Variants in LINGO2 observed in about 807,000 individuals in gnomAD.
LINGO2 encodes leucine-rich repeat and immunoglobulin-like domain-containing nogo receptor-interacting protein 2.
In LINGO2, 14 loss-of-function variants were observed where a neutral mutation model predicts 30.6. The observed-to-expected ratio is 0.46, with a 90% CI of 0.30 to 0.72. The LOEUF is 0.72. Among genes scored for constraint, LINGO2 ranks in the 30% least tolerant of loss-of-function variants. The pLI, the probability that LINGO2 is intolerant of heterozygous loss-of-function variation, is 0.07. For synonymous variants in LINGO2, 317 were observed against 288.5 expected (o/e 1.10, Z -1.00); for missense variants, 729 against 751.7 (o/e 0.97, Z 0.35).
At chr9:28,744,044 A>C in the LINGO2 span, among the ~76,000 whole-genome samples, 10 of 150,316 alleles carry the variant, frequency 6.7e-5, no homozygotes, top group African/African-American at 2.0e-4. Flanking sequence ...ATTTATCTTC[A>C]AGCTCAATGG....
chr9:28,969,165 A>C, the LINGO2 span, among the ~76,000 whole-genome samples: 10 of 152,106 alleles, frequency 6.6e-5, no homozygotes, highest in African/African-American at 2.4e-4. Context: ...ATACATTAGA[A>C]GAAGATCAGC....
At chr9:28,590,751 G>T (rs1161308202) in intron 1 of LINGO2, among the ~76,000 whole-genome samples, 1 of 152,108 alleles carries the variant, frequency 6.6e-6, no homozygotes, top group Non-Finnish European at 1.5e-5. Context: ...TCAGTGTGGT[G>T]ATTCCTCAGG....
the LINGO2 span, among the ~76,000 whole-genome samples, chr9:28,900,050 A>G: frequency 3.9e-5 from 6 of 152,148 alleles, no homozygotes; most frequent in African/African-American, 1.2e-4. Flanking sequence ...CTTCTAGGCC[A>G]GCCATTACAG....
the LINGO2 span, among the ~76,000 whole-genome samples, chr9:28,705,825 C>G: frequency 2.0e-5 from 3 of 152,130 alleles, no homozygotes; most frequent in African/African-American, 7.2e-5. Context: ...TTCTGCTCTG[C>G]TCTGTTAAGT....
At chr9:28,784,675 C>T in the LINGO2 span, among the ~76,000 whole-genome samples, 2 of 152,048 alleles carry the variant, frequency 1.3e-5, no homozygotes, top group African/African-American at 2.4e-5. Context: ...AATTGCAGGT[C>T]GGGCGCGGTG....
chr9:28,745,671 A>T, the LINGO2 span, among the ~76,000 whole-genome samples: 1 of 152,086 alleles, frequency 6.6e-6, no homozygotes, highest in African/African-American at 2.4e-5. Context: ...GACTATTATT[A>T]ACTATTCTAA....
chr9:29,080,791 G>C, the LINGO2 span, among the ~76,000 whole-genome samples: 1 of 152,024 alleles, frequency 6.6e-6, no homozygotes, highest in Non-Finnish European at 1.5e-5. Context: ...TAGTTTGATC[G>C]CACTGTGGTC....
intron 1 of LINGO2, among the ~76,000 whole-genome samples, chr9:28,507,678 T>A (rs1820207300): frequency 6.6e-6 from 1 of 152,132 alleles, no homozygotes; most frequent in African/African-American, 2.4e-5. Flanking sequence ...GTATTGGTAT[T>A]TGCTTTGAAA....
chr9:29,102,548 G>A, the LINGO2 span, among the ~76,000 whole-genome samples: 4 of 152,118 alleles, frequency 2.6e-5, no homozygotes, highest in African/African-American at 9.7e-5. Context: ...GTGATTATAA[G>A]AATAATGAGG....
At chr9:28,683,387 T>G in the LINGO2 span, among the ~76,000 whole-genome samples, 1 of 152,040 alleles carries the variant, frequency 6.6e-6, no homozygotes, top group Non-Finnish European at 1.5e-5. Flanking sequence ...ACCTGTCTGG[T>G]TTTGCACTGT....
chr9:28,781,221 G>A, the LINGO2 span, among the ~76,000 whole-genome samples: 1 of 152,024 alleles, frequency 6.6e-6, no homozygotes, highest in Non-Finnish European at 1.5e-5. Flanking sequence ...CATATGATCT[G>A]AGCTGGAAAG....
chr9:28,558,405 T>C (rs1822864856), intron 1 of LINGO2, among the ~76,000 whole-genome samples: 1 of 152,050 alleles, frequency 6.6e-6, no homozygotes, highest in Non-Finnish European at 1.5e-5. Flanking sequence ...CAGCGTTTAG[T>C]ATGCATATTC....
intron 1 of LINGO2, among the ~76,000 whole-genome samples, chr9:28,608,743 G>T (rs535111761): frequency 4.6e-5 from 7 of 152,048 alleles, no homozygotes; most frequent in East Asian, 3.9e-4. Context: ...AGAGAAGCAT[G>T]CTTCACAGGT....
chr9:29,076,631 A>AT, the LINGO2 span, among the ~76,000 whole-genome samples: 1 of 133,448 alleles, frequency 7.5e-6, no homozygotes, highest in African/African-American at 2.8e-5. Flanking sequence ...ATAAATAAAT[A>AT]AATATATATA....
chr9:28,063,174 A>G (rs1825208702), intron 4 of LINGO2, among the ~76,000 whole-genome samples: 1 of 152,224 alleles, frequency 6.6e-6, no homozygotes, highest in East Asian at 1.9e-4. Context: ...AACAATTCAT[A>G]CTTTCTTTTA....
chr9:28,345,655 G>C (rs1384155571), intron 3 of LINGO2, among the ~76,000 whole-genome samples: 1 of 152,126 alleles, frequency 6.6e-6, no homozygotes, highest in Non-Finnish European at 1.5e-5. Flanking sequence ...ATGAATTTTA[G>C]ATTGCCTTCA....
At chr9:28,091,056 A>G (rs1472127600) in intron 4 of LINGO2, among the ~76,000 whole-genome samples, 1 of 152,178 alleles carries the variant, frequency 6.6e-6, no homozygotes, top group Non-Finnish European at 1.5e-5. Flanking sequence ...TGCTCAACGA[A>G]ATAAAAGAGG....
intron 4 of LINGO2, among the ~76,000 whole-genome samples, chr9:28,285,467 G>A (rs568690628): frequency 2.1e-5 from 3 of 140,912 alleles, no homozygotes; most frequent in Non-Finnish European, 4.5e-5. Flanking sequence ...GTGCAGTGGC[G>A]TGATCTCAGC....
At chr9:28,690,717 G>A in the LINGO2 span, among the ~76,000 whole-genome samples, 12 of 152,014 alleles carry the variant, frequency 7.9e-5, no homozygotes, top group African/African-American at 2.7e-4. Flanking sequence ...TTAATCAGAT[G>A]AATTCCCCAG....
Sources: allele counts gnomAD v4.1 joint callset (sites outside exome capture counted in the v4.1 genomes callset), GRCh38; gene constraint gnomAD v4.1.1; transcripts MANE v1.5; gene names NCBI Gene and HGNC (gene_info 2026-07-23, HGNC 2026-07-21).